Variants in ME3 observed in about 807,000 individuals in gnomAD.
ME3 encodes NADP-dependent malic enzyme, mitochondrial.
ME3 carries 48 observed loss-of-function variants against 68.9 expected under a neutral mutation model. The observed-to-expected ratio is 0.70, with a 90% confidence interval of 0.55 to 0.89. The LOEUF is 0.89. Ranked by LOEUF, ME3 falls within the 40% of genes least tolerant of loss-of-function variation. The probability of loss-of-function intolerance (pLI) is 0.00; values close to 1 mark genes in which losing one functional copy is unlikely to be tolerated. For synonymous variants in ME3, 320 were observed against 318.8 expected (o/e 1.00, Z -0.04); for missense variants, 675 against 797.4 (o/e 0.85, Z 1.85).
rs182461882 is a variant in ME3, at chr11:86,526,569, C to T, written c.468-17702G>A. On this transcript the variant is annotated intron_variant, in intron 4 of 14. Coordinates refer to ENST00000543262, the Ensembl canonical transcript of ME3. ...CATCTGAGAATGGCCAGACTGCCTC[C>T]TCAAGTGGGTCCCTGACCCCCAAAT... Among the ~76,000 whole-genome samples the T allele has an allele frequency of 3.5e-3, 533 of 152,336 alleles. 6 individuals are homozygous for T. Among genetic ancestry groups the T allele is most frequent in the African/African-American group, 0.012 (506 of 41,574 alleles).
intron 4 of ME3, among the ~76,000 whole-genome samples, chr11:86,526,147 G>A (rs972938024): frequency 1.2e-4 from 19 of 152,210 alleles, no homozygotes; most frequent in African/African-American, 3.1e-4. Flanking sequence ...GACGGCACCT[G>A]GAAAATCGGG....
At chr11:86,629,733 C>T (rs1943894281) in intron 2 of ME3, among the ~76,000 whole-genome samples, 1 of 152,174 alleles carries the variant, frequency 6.6e-6, no homozygotes, top group South Asian at 2.1e-4. Context: ...GTATTTGAGG[C>T]TTTGAGCAAA....
At chr11:86,511,817 C>T (rs1448249665) in intron 4 of ME3, among the ~76,000 whole-genome samples, 1 of 152,034 alleles carries the variant, frequency 6.6e-6, no homozygotes, top group East Asian at 1.9e-4. Context: ...TATTGTAGGA[C>T]CTAAGATTGG....
intron 3 of ME3, 85 bp downstream of exon 3, chr11:86,559,605 G>C: frequency 6.9e-7 from 1 of 1,459,844 alleles, no homozygotes; most frequent in Non-Finnish European, 9.2e-7. Flanking sequence ...TAGCTGGAGA[G>C]TTTCCAGAAA....
At chr11:86,632,063 AC>A (rs1440821129) in intron 2 of ME3, among the ~76,000 whole-genome samples, 3 of 152,194 alleles carry the variant, frequency 2.0e-5, no homozygotes, top group African/African-American at 7.2e-5. Flanking sequence ...TATGAAGAAG[AC>A]CACAGATGAA....
At chr11:86,562,742 T>C (rs377548844) in intron 2 of ME3, among the ~76,000 whole-genome samples, 8 of 152,176 alleles carry the variant, frequency 5.3e-5, no homozygotes, top group African/African-American at 1.4e-4. Flanking sequence ...TGTATGATGC[T>C]GAGGTTTAGG....
chr11:86,570,052 A>C (rs1957701781), intron 2 of ME3, among the ~76,000 whole-genome samples: 1 of 152,182 alleles, frequency 6.6e-6, no homozygotes, highest in Admixed American at 6.5e-5. Context: ...CCCACCTGCA[A>C]ACAGGTGTGC....
At chr11:86,516,768 A>G (rs556635457) in intron 4 of ME3, among the ~76,000 whole-genome samples, 1 of 152,288 alleles carries the variant, frequency 6.6e-6, no homozygotes, top group Non-Finnish European at 1.5e-5. Flanking sequence ...GGAATTGCTC[A>G]GGAACATACA....
chr11:86,619,843 T>C (rs1943232738), intron 2 of ME3, among the ~76,000 whole-genome samples: 1 of 152,218 alleles, frequency 6.6e-6, no homozygotes, highest in Admixed American at 6.5e-5. Context: ...GGATTAAATA[T>C]TATACATTAA....
At chr11:86,529,812 T>C (rs1348581311) in intron 4 of ME3, among the ~76,000 whole-genome samples, 1 of 152,182 alleles carries the variant, frequency 6.6e-6, no homozygotes, top group African/African-American at 2.4e-5. Flanking sequence ...TAACCCTTCA[T>C]GCTAAAAACT....
intron 8 of ME3, among the ~76,000 whole-genome samples, chr11:86,457,913 G>C (rs1950030467): frequency 6.6e-6 from 1 of 152,192 alleles, no homozygotes; most frequent in African/African-American, 2.4e-5. Context: ...AGTCAGATTT[G>C]ACAAAGTTAA....
At chr11:86,478,324 C>CAAAAAAAAA (rs57349808) in intron 7 of ME3, among the ~76,000 whole-genome samples, 3 of 62,910 alleles carry the variant, frequency 4.8e-5, no homozygotes, top group African/African-American at 1.2e-4. Context: ...GCCTAAGGAC[C>CAAAAAAAAA]AAAAAAAAAA....
At chr11:86,670,771 T>G (rs1373747124) in intron 2 of ME3, among the ~76,000 whole-genome samples, 1 of 152,206 alleles carries the variant, frequency 6.6e-6, no homozygotes, top group Non-Finnish European at 1.5e-5. Flanking sequence ...AAAAAAAAAT[T>G]TATTTTGCAG....
intron 2 of ME3, among the ~76,000 whole-genome samples, chr11:86,616,259 G>A (rs1189575035): frequency 1.3e-5 from 2 of 152,080 alleles, no homozygotes; most frequent in Non-Finnish European, 2.9e-5. Context: ...ATAAATAATT[G>A]TAAAGAGATT....
At chr11:86,485,551 C>T (rs1054265946) in intron 7 of ME3, among the ~76,000 whole-genome samples, 3 of 152,156 alleles carry the variant, frequency 2.0e-5, no homozygotes, top group Non-Finnish European at 4.4e-5. Flanking sequence ...ACTTTCTGAT[C>T]ACCACCTCCT....
chr11:86,563,666 T>C (rs1044563221), intron 2 of ME3, among the ~76,000 whole-genome samples: 4 of 152,188 alleles, frequency 2.6e-5, no homozygotes, highest in Non-Finnish European at 5.9e-5. Flanking sequence ...CTTTTGCATA[T>C]GGCTAGCCAG....
intron 5 of ME3, among the ~76,000 whole-genome samples, chr11:86,500,881 CCA>C (rs1186036753): frequency 6.6e-6 from 1 of 152,114 alleles, no homozygotes; most frequent in African/African-American, 2.4e-5. Context: ...GCCATATCTA[CCA>C]CACACCCTTC....
intron 2 of ME3, among the ~76,000 whole-genome samples, chr11:86,585,721 TG>T (rs763942671): frequency 2.7e-4 from 41 of 152,278 alleles, no homozygotes; most frequent in Middle Eastern, 6.8e-3. Context: ...AGATGGCAAT[TG>T]AAACGATAAT....
chr11:86,509,058 G>A (rs1263754416), intron 4 of ME3, among the ~76,000 whole-genome samples, 191 bp from the exon 5 acceptor site: 1 of 152,176 alleles, frequency 6.6e-6, no homozygotes, highest in Non-Finnish European at 1.5e-5. Flanking sequence ...TCTCCACAGG[G>A]CAAGGAGTCC....
Sources: gnomAD v4.1 joint callset for allele counts (sites outside exome capture counted in the v4.1 genomes callset) on GRCh38, gnomAD v4.1.1 for gene constraint, MANE v1.5 for transcripts, NCBI Gene and HGNC (gene_info 2026-07-23, HGNC 2026-07-21) for gene names.